Variants in HIP1 observed in about 807,000 individuals in gnomAD.
HIP1 encodes huntingtin-interacting protein 1.
HIP1 carries 65 observed loss-of-function variants against 147.6 expected under a neutral mutation model. The ratio of observed to expected loss-of-function variants is 0.44; its 90% CI spans 0.36 to 0.54. HIP1 has a LOEUF of 0.54. Among genes scored for constraint, HIP1 ranks in the 20% least tolerant of loss-of-function variants. HIP1 has a pLI of 0.00. For missense variants in HIP1, 1,061 were observed against 1,299.6 expected (o/e 0.82, Z 2.82); for synonymous variants, 479 against 504.0 (o/e 0.95, Z 0.67).
At chr7:75,595,855 C>G (rs1278412423) in intron 2 of HIP1, among the ~76,000 whole-genome samples, 6 of 152,160 alleles carry the variant, frequency 3.9e-5, no homozygotes, top group African/African-American at 1.4e-4. Flanking sequence ...ATTTAGGCAT[C>G]TGTGATAAAT....
At chr7:75,604,193 A>G (rs1048187139) in intron 1 of HIP1, among the ~76,000 whole-genome samples, 1 of 152,230 alleles carries the variant, frequency 6.6e-6, no homozygotes, top group Non-Finnish European at 1.5e-5. Flanking sequence ...CAAAGTCTCC[A>G]TACTTCCGGA....
intron 1 of HIP1, among the ~76,000 whole-genome samples, chr7:75,718,467 C>T (rs548715670): frequency 3.3e-5 from 5 of 152,114 alleles, no homozygotes; most frequent in African/African-American, 1.2e-4. Flanking sequence ...TGGTAACAAG[C>T]CTGTATAACT....
At position 75,534,998 on chromosome 7, in the gene HIP1, CTCT is replaced by C. The variant is rs1338766778; in HGVS notation, c.*3171_*3173del. On this transcript the variant is annotated 3_prime_UTR_variant, in exon 31 of 31. Coordinates refer to ENST00000336926, the MANE Select transcript of HIP1 (RefSeq NM_005338.7). ...TAATCCAAGGTGTGTCATTAAATAG[CTCT>C]TCATCTTCATTTTTAGAAGAGTCAC... The C allele has an allele frequency of 5.3e-5, 11 of 207,332 alleles. No homozygotes were observed. In the South Asian group the frequency reaches 7.6e-4, roughly 14 times the overall value. 12.8% of individuals were successfully genotyped at this position (207,332 alleles called of 1,614,324 possible).
intron 1 of HIP1, among the ~76,000 whole-genome samples, chr7:75,694,174 T>C (rs1800553132): frequency 6.6e-6 from 1 of 152,120 alleles, no homozygotes; most frequent in African/African-American, 2.4e-5. Context: ...CACCTCGGCC[T>C]CCCAAAGTGC....
At chr7:75,729,450 G>A (rs1316456601) in intron 1 of HIP1, among the ~76,000 whole-genome samples, 3 of 151,658 alleles carry the variant, frequency 2.0e-5, no homozygotes, top group African/African-American at 7.3e-5. Context: ...TCGCATCACT[G>A]CATTCCAGCC....
chr7:75,548,767 T>C, intron 23 of HIP1, 124 bp downstream of exon 23: 1 of 756,958 alleles, frequency 1.3e-6, no homozygotes, highest in Middle Eastern at 2.8e-4. Context: ...CCTGGCAAAT[T>C]CTGGTTTCTG....
At position 75,537,224 on chromosome 7, in the gene HIP1, T is replaced by C. The variant is rs1794115924; in HGVS notation, c.*948A>G. 4.3e-6 allele frequency: 1 copy of C among 232,916 alleles called. No homozygotes were observed. The allele number at this position is 232,916 out of a possible 1,614,324, so 14.4% of individuals were successfully genotyped here. On this transcript the variant is annotated 3_prime_UTR_variant, in exon 31 of 31. Transcript: ENST00000336926. ...GGCTGTGTGAACCCTCTTGTCCCTC[T>C]TTCTGTTGTCTTCTCCCTTGTAAAG...
chr7:75,601,225 G>A (rs1211793171), intron 1 of HIP1, among the ~76,000 whole-genome samples: 3 of 151,998 alleles, frequency 2.0e-5, no homozygotes, highest in African/African-American at 7.3e-5. Flanking sequence ...GTGGTTGATG[G>A]TATAGACCCA....
At position 75,738,836 on chromosome 7, in the gene HIP1, C is replaced by T. The variant is rs1426431995; in HGVS notation, c.85G>A (p.Glu29Lys). 8 of 1,597,454 alleles carry T rather than the reference C, an allele frequency of 5.0e-6. No individual in the cohort carries two copies. Among genetic ancestry groups the T allele is most frequent in the Non-Finnish European group, 6.0e-6 (7 of 1,173,882 alleles). ...LSRRGVGAGL[E>K]AAERESFERT... ...TCGAAGCTCTCGCGCTCCGCCGCCT[C>T]CAGCCCAGCGCCGACCCCGCGCCGG... The change falls in exon 1 of 31, where the codon GAG (glutamate) becomes AAG (lysine). Residue 29 changes from glutamate to lysine, a missense_variant. Around this residue, in one of 3 missense-constraint regions of HIP1, gnomAD observed 225 missense variants for 292.9 expected, o/e 0.77. Transcript: ENST00000336926.
rs189957712 is a variant in HIP1, at chr7:75,728,138, C to A, written c.120+10663G>T. 2.8e-4 allele frequency among the ~76,000 whole-genome samples: 42 copies of A among 152,342 alleles called. 1 individual carries two copies. In the East Asian group the frequency reaches 3.9e-3, roughly 14 times the overall value. On this transcript the variant is annotated intron_variant, in intron 1 of 30. Coordinates refer to ENST00000336926, the MANE Select transcript of HIP1 (RefSeq NM_005338.7). ...AGTAATGTGTCAACATGCCTTTAAACGATAGTGTTACTTGTGTTAAACACA... is the reference window on the plus strand; with the variant it reads ...AGTAATGTGTCAACATGCCTTTAAAAGATAGTGTTACTTGTGTTAAACACA...
At chr7:75,596,612 C>G (rs1554502002) in intron 2 of HIP1, among the ~76,000 whole-genome samples, 1 of 152,146 alleles carries the variant, frequency 6.6e-6, no homozygotes, top group African/African-American at 2.4e-5. Context: ...TCTCGAACTC[C>G]TGACCTCAGG....
chr7:75,591,935 A>T (rs1554500849), intron 4 of HIP1, 121 bp downstream of exon 4: 1 of 835,010 alleles, frequency 1.2e-6, no homozygotes, highest in African/African-American at 1.7e-5. Context: ...TCTGGCACCC[A>T]TGGGAGAAAT....
chr7:75,561,682 G>A (rs782513354), intron 12 of HIP1, among the ~76,000 whole-genome samples: 42 of 152,044 alleles, frequency 2.8e-4, no homozygotes, highest in Non-Finnish European at 4.1e-4. Context: ...TGGCTTTGTC[G>A]CCCAGGCTGA....
chr7:75,586,049 A>G (rs1342803628), intron 5 of HIP1, among the ~76,000 whole-genome samples: 2 of 151,812 alleles, frequency 1.3e-5, no homozygotes, highest in Non-Finnish European at 2.9e-5. Context: ...CCTGGTCTTA[A>G]GCGATCCTCC....
rs991800701 is a variant in HIP1, at chr7:75,688,889, C to T, written c.120+49912G>A. Among the ~76,000 whole-genome samples, 3 of 152,280 alleles carry T rather than the reference C, an allele frequency of 2.0e-5. No individual in the cohort carries two copies. In the East Asian group the frequency reaches 5.8e-4, roughly 29 times the overall value. The stretch of plus-strand genomic sequence containing the variant: ...CTGACCGGGGCTTTCATCAAGGCCC[C>T]CTTTGTCCTCTGAGGTCCCCTGGCT... On this transcript the variant is annotated intron_variant, in intron 1 of 30. Coordinates refer to ENST00000336926, the MANE Select transcript of HIP1 (RefSeq NM_005338.7).
chr7:75,678,832 A>G (rs1799976893), intron 1 of HIP1, among the ~76,000 whole-genome samples: 1 of 152,194 alleles, frequency 6.6e-6, no homozygotes, highest in South Asian at 2.1e-4. Flanking sequence ...ATTGAAATAA[A>G]GGAAAATTTT....
chr7:75,653,983 T>G (rs1316219653), intron 1 of HIP1, among the ~76,000 whole-genome samples: 1 of 152,184 alleles, frequency 6.6e-6, no homozygotes, highest in African/African-American at 2.4e-5. Flanking sequence ...CGAAAACTAG[T>G]GGGCACCTCT....
chr7:75,616,781 C>A (rs186367762), intron 1 of HIP1, among the ~76,000 whole-genome samples: 1 of 152,224 alleles, frequency 6.6e-6, no homozygotes, highest in East Asian at 1.9e-4. Flanking sequence ...TACTGGCCAT[C>A]ACTTTGGGGT....
At chr7:75,581,448 G>C in intron 6 of HIP1, 150 bp from the exon 7 acceptor site, 1 of 636,604 alleles carries the variant, frequency 1.6e-6, no homozygotes, top group Non-Finnish European at 2.8e-6. Flanking sequence ...TCTTAGCCTT[G>C]TGGGTATTAT....
Sources: allele counts gnomAD v4.1 joint callset (sites outside exome capture counted in the v4.1 genomes callset), GRCh38; gene constraint gnomAD v4.1.1; regional missense constraint gnomAD v4.1.1; transcripts MANE v1.5; gene names NCBI Gene and HGNC (gene_info 2026-07-23, HGNC 2026-07-21).